The following SLC71A1 variants were observed in gnomAD, a reference collection of about 807,000 sequenced individuals.
SLC71A1 encodes the protein hippocampus abundant gene transcript 1.
the SLC71A1 span, among the ~76,000 whole-genome samples, chr1:100,052,293 G>A: frequency 1.3e-5 from 2 of 151,640 alleles, no homozygotes; most frequent in African/African-American, 2.4e-5. Flanking sequence ...GTTATCTTTC[G>A]TGTTATTTTG....
At chr1:100,050,918 C>G in the SLC71A1 span, among the ~76,000 whole-genome samples, 1 of 151,844 alleles carries the variant, frequency 6.6e-6, no homozygotes, top group Non-Finnish European at 1.5e-5. Flanking sequence ...AACCTTGTCT[C>G]TACAAAAAAT....
At chr1:100,050,707 G>A in the SLC71A1 span, among the ~76,000 whole-genome samples, 1 of 152,146 alleles carries the variant, frequency 6.6e-6, no homozygotes, top group Admixed American at 6.6e-5. Flanking sequence ...GAAAAATTAT[G>A]TAAGTAGATT....
At chr1:100,041,624 A>T in the SLC71A1 span, among the ~76,000 whole-genome samples, 1 of 152,154 alleles carries the variant, frequency 6.6e-6, no homozygotes, top group Non-Finnish European at 1.5e-5. Context: ...AAGCATCCAT[A>T]TATAGAAATA....
At chr1:100,038,387 T>A in the SLC71A1 span, 2 of 1,269,688 alleles carry the variant, frequency 1.6e-6, no homozygotes, top group South Asian at 2.6e-5. Context: ...ACCCCCACAC[T>A]GCCGTCTCTA....
the SLC71A1 span, among the ~76,000 whole-genome samples, chr1:100,051,965 G>T: frequency 6.6e-6 from 1 of 152,140 alleles, no homozygotes; most frequent in Non-Finnish European, 1.5e-5. Context: ...GGAAACCGGG[G>T]CTTAGAAAAG....
At chr1:100,038,147 C>A in the SLC71A1 span, 7 of 1,225,336 alleles carry the variant, frequency 5.7e-6, no homozygotes, top group East Asian at 2.6e-5. Context: ...CGGCTCGGCC[C>A]GGCAGTAGTG....
the SLC71A1 span, among the ~76,000 whole-genome samples, chr1:100,047,714 G>T: frequency 6.6e-6 from 1 of 152,136 alleles, no homozygotes; most frequent in African/African-American, 2.4e-5. Context: ...GAGCCACTGC[G>T]CCCGGCCGAT....
chr1:100,038,414 C>A, the SLC71A1 span: 1 of 964,438 alleles, frequency 1.0e-6, no homozygotes, highest in Non-Finnish European at 1.6e-6. Context: ...CCGGTGCCTC[C>A]CTCCCTTCCC....
the SLC71A1 span, chr1:100,080,101 A>AC: frequency 5.0e-3 from 779 of 154,922 alleles, 4 homozygotes; most frequent in Middle Eastern, 0.017. Context: ...CCGCCAGTTG[A>AC]CCCCCCCACT....
At chr1:100,070,950 C>T in the SLC71A1 span, among the ~76,000 whole-genome samples, 1 of 152,068 alleles carries the variant, frequency 6.6e-6, no homozygotes, top group African/African-American at 2.4e-5. Context: ...CAACAAATTT[C>T]AAATTTAAAT....
the SLC71A1 span, chr1:100,059,974 G>A: frequency 6.2e-7 from 1 of 1,612,458 alleles, no homozygotes; most frequent in African/African-American, 1.3e-5. Flanking sequence ...TTTCACATGT[G>A]CCCCAATTCC....
At chr1:100,038,407 G>A in the SLC71A1 span, 1 of 1,063,158 alleles carries the variant, frequency 9.4e-7, no homozygotes, top group Non-Finnish European at 1.4e-6. Flanking sequence ...AGGCGTCCCG[G>A]TGCCTCCCTC....
the SLC71A1 span, chr1:100,082,063 C>CTT: frequency 3.1e-6 from 5 of 1,613,866 alleles, no homozygotes; most frequent in Non-Finnish European, 4.2e-6. Context: ...GCTGGCTCTG[C>CTT]TTGTTGCCTT....
At chr1:100,077,718 C>A in the SLC71A1 span, among the ~76,000 whole-genome samples, 2 of 152,238 alleles carry the variant, frequency 1.3e-5, no homozygotes, top group Non-Finnish European at 2.9e-5. Flanking sequence ...GTGCCAGCTT[C>A]ATGCTGTGTC....
chr1:100,056,052 A>C, the SLC71A1 span, among the ~76,000 whole-genome samples: 2 of 152,096 alleles, frequency 1.3e-5, no homozygotes, highest in African/African-American at 4.8e-5. Context: ...CGCCTGGCCA[A>C]ATTTTAGTTA....
At chr1:100,067,508 G>T in the SLC71A1 span, among the ~76,000 whole-genome samples, 1 of 152,094 alleles carries the variant, frequency 6.6e-6, no homozygotes, top group Admixed American at 6.6e-5. Context: ...CCTGCCAAAG[G>T]AGAGAGTATA....
At chr1:100,059,993 AG>A in the SLC71A1 span, 1 of 1,611,170 alleles carries the variant, frequency 6.2e-7, no homozygotes, top group Non-Finnish European at 8.5e-7. Flanking sequence ...CCTTTAATGA[AG>A]ATCAGCCCAT....
the SLC71A1 span, among the ~76,000 whole-genome samples, chr1:100,071,680 A>G: frequency 4.6e-5 from 7 of 152,230 alleles, no homozygotes; most frequent in Admixed American, 1.3e-4. Flanking sequence ...ATTGATAGCT[A>G]TAAGGTCTTA....
At chr1:100,062,458 G>A in the SLC71A1 span, among the ~76,000 whole-genome samples, 7 of 152,044 alleles carry the variant, frequency 4.6e-5, no homozygotes, top group South Asian at 1.2e-3. Context: ...GTGGTAGGTC[G>A]CCAACTCCTG....
Sources: allele counts gnomAD v4.1 joint callset (sites outside exome capture counted in the v4.1 genomes callset), GRCh38; gene constraint gnomAD v4.1.1; transcripts MANE v1.5; gene names NCBI Gene and HGNC (gene_info 2026-07-23, HGNC 2026-07-21).